The following VIPR1 variants were observed in gnomAD, a reference collection of about 807,000 sequenced individuals.
The protein encoded by VIPR1 is vasoactive intestinal polypeptide receptor 1.
A neutral mutation model predicts 58.8 loss-of-function variants in VIPR1; 59 were observed. That is an observed-to-expected ratio of 1.00 (90% CI 0.81 to 1.25). The LOEUF (loss-of-function observed/expected upper bound fraction) is 1.25, where lower values mean the gene tolerates loss of function less well. Among genes scored for constraint, VIPR1 ranks in the 50% most tolerant of loss-of-function variants. VIPR1 has a pLI of 0.00. For synonymous variants in VIPR1, 251 were observed against 242.1 expected, an observed-to-expected ratio of 1.04 and a Z score of -0.34; for missense variants, 626 against 602.7, an observed-to-expected ratio of 1.04 and a Z score of -0.40.
At chr3:42,494,310 G>C (rs999384920) in intron 1 of VIPR1, among the ~76,000 whole-genome samples, 1 of 151,850 alleles carries the variant, frequency 6.6e-6, no homozygotes, top group African/African-American at 2.4e-5. Flanking sequence ...CCATATATTT[G>C]CTTTGTTTTA....
At chr3:42,519,475 T>G (rs958001307) in intron 3 of VIPR1, 145 bp downstream of exon 3, 2 of 574,834 alleles carry the variant, frequency 3.5e-6, no homozygotes, top group African/African-American at 3.9e-5. Flanking sequence ...GCAATGGTGC[T>G]GGGTCTTTAA....
chr3:42,525,451 C>T (rs980465246), intron 3 of VIPR1, among the ~76,000 whole-genome samples: 1 of 151,876 alleles, frequency 6.6e-6, no homozygotes, highest in African/African-American at 2.4e-5. Context: ...AAACCCAGCC[C>T]CACAGGCCCA....
At chr3:42,498,371 C>T (rs950215413), upstream of VIPR1, among the ~76,000 whole-genome samples, 1 of 152,208 alleles carries the variant, frequency 6.6e-6, no homozygotes. Context: ...TTGGCAAAGA[C>T]TTTTTCAGAT....
intron 6 of VIPR1, chr3:42,528,328 T>C (rs942305977): frequency 1.8e-5 from 13 of 706,126 alleles, no homozygotes; most frequent in Non-Finnish European, 2.5e-5. Context: ...GAGATGTTGC[T>C]CACCCATCTG....
chr3:42,531,058 A>G lies in VIPR1; in HGVS notation c.790+126A>G. The G allele has an allele frequency of 3.2e-6, 4 of 1,249,738 alleles. No individual in the cohort carries two copies. The South Asian group carries it at 5.7e-5, about 18-fold the overall frequency. The allele number at this position is 1,249,738 out of a possible 1,614,324, so 77.4% of individuals were successfully genotyped here. On this transcript the variant is annotated intron_variant, in intron 7 of 12. Transcript: ENST00000325123. ...TGCTTAGCTGCAGGTCCTGCCTGCAAGGATATCAGCCAAGGGTCAAGAAAG... is the reference window on the plus strand; with the variant it reads ...TGCTTAGCTGCAGGTCCTGCCTGCAGGGATATCAGCCAAGGGTCAAGAAAG...
At position 42,502,681 on chromosome 3, in the gene VIPR1, C is replaced by A; in HGVS notation, c.-55C>A. The A allele has an allele frequency of 8.1e-7, 1 of 1,239,818 alleles. No homozygotes were observed. Among genetic ancestry groups the A allele is most frequent in the South Asian group, 2.9e-5 (1 of 34,006 alleles). The allele number at this position is 1,239,818 out of a possible 1,614,324, so 76.8% of individuals were successfully genotyped here. A position where few individuals can be genotyped will look rare whatever the true frequency, so the allele number is the denominator to read the frequency against. On this transcript the variant is annotated 5_prime_UTR_variant, in exon 1 of 13. Coordinates refer to ENST00000325123, the MANE Select transcript of VIPR1 (RefSeq NM_004624.4). ...CCCGGCCATCGCCCGCCTGGTGCGC[C>A]GCCCGCCAGCTCTTTGCCCGCGCGG...
chr3:42,510,716 A>C (rs552902230), intron 1 of VIPR1, among the ~76,000 whole-genome samples: 3 of 152,134 alleles, frequency 2.0e-5, no homozygotes, highest in African/African-American at 7.2e-5. Context: ...CACTAAACTA[A>C]ATTGTGACAA....
intron 2 of VIPR1, among the ~76,000 whole-genome samples, chr3:42,514,541 C>CCACACA (rs111610459): frequency 0.052 from 7,511 of 144,062 alleles, 325 homozygotes; most frequent in African/African-American, 0.12. Flanking sequence ...GATAGTGACA[C>CCACACA]CACACACACA....
At chr3:42,523,200 C>T (rs557645932) in intron 3 of VIPR1, among the ~76,000 whole-genome samples, 2 of 152,262 alleles carry the variant, frequency 1.3e-5, no homozygotes, top group East Asian at 3.9e-4. Flanking sequence ...CAGGCCCAGA[C>T]TGGAGGGAGA....
chr3:42,536,626 T>C lies in VIPR1; in HGVS notation c.*345T>C, dbSNP rs936230102. ...GCCCCCTGCTGGCTCTTCTGCCCAA[T>C]TGGAGGAAAGCAACCGGTGGATCCT... On this transcript the variant is annotated 3_prime_UTR_variant, in exon 13 of 13. Transcript: ENST00000325123. The C allele has an allele frequency of 7.4e-5, 16 of 217,278 alleles. No homozygotes were observed. In the Middle Eastern group the frequency reaches 5.7e-3, roughly 78 times the overall value. 13.5% of individuals were successfully genotyped at this position (217,278 alleles called of 1,614,324 possible).
At chr3:42,505,505 C>G (rs944023279) in intron 1 of VIPR1, among the ~76,000 whole-genome samples, 1 of 152,360 alleles carries the variant, frequency 6.6e-6, no homozygotes, top group South Asian at 2.1e-4. Flanking sequence ...CCTCTTGGCC[C>G]CCAGCAGGCC....
chr3:42,528,281 C>G, intron 6 of VIPR1, 158 bp downstream of exon 6: 2 of 1,016,134 alleles, frequency 2.0e-6, no homozygotes, highest in Admixed American at 5.6e-5. Flanking sequence ...CCAACCCCAC[C>G]TGGCAGTACT....
At chr3:42,503,083 C>T (rs2125629463) in intron 1 of VIPR1, among the ~76,000 whole-genome samples, 1 of 152,270 alleles carries the variant, frequency 6.6e-6, no homozygotes, top group East Asian at 1.9e-4. Flanking sequence ...GGGCCCCAGA[C>T]TTGCCTTCCT....
chr3:42,524,364 T>C (rs1701119201), intron 3 of VIPR1, among the ~76,000 whole-genome samples: 1 of 152,174 alleles, frequency 6.6e-6, no homozygotes, highest in Admixed American at 6.5e-5. Context: ...AGGAGCCTCT[T>C]GCAACAGTGA....
At chr3:42,495,725 A>G (rs1699746514) in intron 1 of VIPR1, among the ~76,000 whole-genome samples, 1 of 152,130 alleles carries the variant, frequency 6.6e-6, no homozygotes, top group Admixed American at 6.5e-5. Flanking sequence ...AGAGAGAGTC[A>G]CATGGCTAGA....
At chr3:42,496,848 A>C (rs1390210955) in intron 1 of VIPR1, among the ~76,000 whole-genome samples, 1 of 152,204 alleles carries the variant, frequency 6.6e-6, no homozygotes, top group African/African-American at 2.4e-5. Context: ...CTTCCCAAAC[A>C]AACAATCTTT....
intron 1 of VIPR1, among the ~76,000 whole-genome samples, chr3:42,506,119 C>G (rs1431324285): frequency 6.6e-6 from 1 of 152,224 alleles, no homozygotes; most frequent in Admixed American, 6.5e-5. Flanking sequence ...CCCAGGGCAG[C>G]AGGAGTCCTG....
At chr3:42,503,809 A>G (rs1207655477) in intron 1 of VIPR1, among the ~76,000 whole-genome samples, 1 of 152,156 alleles carries the variant, frequency 6.6e-6, no homozygotes, top group Non-Finnish European at 1.5e-5. Flanking sequence ...ACTTTGAGTA[A>G]TCTAGAGTTG....
At chr3:42,528,904 G>A (rs1701379940) in intron 6 of VIPR1, among the ~76,000 whole-genome samples, 4 of 152,144 alleles carry the variant, frequency 2.6e-5, no homozygotes, top group African/African-American at 9.7e-5. Context: ...TGATCATACT[G>A]GAATCTCAGG....
Sources: allele counts gnomAD v4.1 joint callset (sites outside exome capture counted in the v4.1 genomes callset), GRCh38; gene constraint gnomAD v4.1.1; transcripts MANE v1.5; gene names NCBI Gene and HGNC (gene_info 2026-07-23, HGNC 2026-07-21).